GABRB1: variants seen among roughly 807,000 people sequenced by gnomAD.
GABRB1 encodes the protein gamma-aminobutyric acid receptor subunit beta-1.
GABRB1 carries 17 observed loss-of-function variants against 51.6 expected under a neutral mutation model. That is an observed-to-expected ratio of 0.33 (90% CI 0.23 to 0.49). The LOEUF (loss-of-function observed/expected upper bound fraction) is 0.49, where lower values mean the gene tolerates loss of function less well. Among genes scored for constraint, GABRB1 ranks in the 20% least tolerant of loss-of-function variants. GABRB1 has a pLI of 0.99. For synonymous variants in GABRB1, 247 were observed against 218.9 expected (o/e 1.13, Z -1.14); for missense variants, 410 against 600.6 (o/e 0.68, Z 3.32).
At chr4:47,207,625 T>G (rs1376527677) in intron 4 of GABRB1, among the ~76,000 whole-genome samples, 1 of 152,072 alleles carries the variant, frequency 6.6e-6, no homozygotes, top group East Asian at 1.9e-4. Flanking sequence ...ATTATGCTGA[T>G]GTTTTGATCT....
chr4:47,155,209 T>C (rs1577957833), intron 3 of GABRB1, among the ~76,000 whole-genome samples: 1 of 152,058 alleles, frequency 6.6e-6, no homozygotes, highest in South Asian at 2.1e-4. Context: ...GCGGAAATCA[T>C]AGGCAGTGAT....
chr4:47,241,224 T>A (rs1238062080), intron 4 of GABRB1, among the ~76,000 whole-genome samples: 1 of 152,168 alleles, frequency 6.6e-6, no homozygotes, highest in Non-Finnish European at 1.5e-5. Context: ...AGAGCTTTCA[T>A]GCTGAAAATT....
Position 47,297,412 on chromosome 4 carries a change from A to AG in GABRB1, c.462-22715_462-22714insG, listed in dbSNP as rs1724049000. On this transcript the variant is annotated intron_variant, in intron 4 of 8. Transcript: ENST00000295454. ...GAAGAATCAAATAGACACAAAAAAA[A>AG]TGATAAAGGGGATATCACCACCAAT... is the stretch of plus-strand genomic sequence containing the variant. Among the ~76,000 whole-genome samples, 2 of 150,434 alleles carry AG rather than the reference A, an allele frequency of 1.3e-5. 1 individual carries two copies. Among genetic ancestry groups the AG allele is most frequent in the South Asian group, 4.2e-4 (2 of 4,718 alleles).
At chr4:47,378,246 C>T (rs1727460022) in intron 5 of GABRB1, among the ~76,000 whole-genome samples, 1 of 152,214 alleles carries the variant, frequency 6.6e-6, no homozygotes, top group Non-Finnish European at 1.5e-5. Flanking sequence ...CGCCAGTGGG[C>T]CAGCACTGAT....
intron 5 of GABRB1, among the ~76,000 whole-genome samples, chr4:47,345,895 A>G (rs1409775605): frequency 6.6e-6 from 1 of 152,120 alleles, no homozygotes; most frequent in Non-Finnish European, 1.5e-5. Flanking sequence ...CACACCCACA[A>G]TGCATAATAA....
intron 4 of GABRB1, among the ~76,000 whole-genome samples, chr4:47,241,509 C>A (rs1721521275): frequency 6.6e-6 from 1 of 152,154 alleles, no homozygotes; most frequent in South Asian, 2.1e-4. Flanking sequence ...CTTCAGGCGA[C>A]ATCATTTTTT....
At chr4:47,105,003 T>C (rs1276647512) in intron 3 of GABRB1, among the ~76,000 whole-genome samples, 1 of 152,080 alleles carries the variant, frequency 6.6e-6, no homozygotes, top group African/African-American at 2.4e-5. Flanking sequence ...ATCTCATGTT[T>C]TTTGGTTGAA....
chr4:47,327,089 T>C (rs1194326889), intron 5 of GABRB1, among the ~76,000 whole-genome samples: 1 of 152,224 alleles, frequency 6.6e-6, no homozygotes, highest in East Asian at 1.9e-4. Context: ...TTTTTTCAGA[T>C]GAGATTTAAG....
At chr4:47,104,806 C>T (rs1655425672) in intron 3 of GABRB1, among the ~76,000 whole-genome samples, 1 of 152,020 alleles carries the variant, frequency 6.6e-6, no homozygotes, top group African/African-American at 2.4e-5. Context: ...TTCCATCTCT[C>T]TGCTGAAATG....
At chr4:47,217,951 T>C (rs987118730) in intron 4 of GABRB1, among the ~76,000 whole-genome samples, 2 of 151,838 alleles carry the variant, frequency 1.3e-5, no homozygotes, top group Non-Finnish European at 2.9e-5. Flanking sequence ...TAACTGTATG[T>C]TTCTACCCAT....
At chr4:47,112,464 A>T (rs1388782863) in intron 3 of GABRB1, among the ~76,000 whole-genome samples, 1 of 152,218 alleles carries the variant, frequency 6.6e-6, no homozygotes. Context: ...CTTTGGAGGG[A>T]ATAAGGCAGT....
intron 7 of GABRB1, among the ~76,000 whole-genome samples, chr4:47,404,603 A>G (rs1421684127): frequency 3.3e-5 from 5 of 152,042 alleles, no homozygotes; most frequent in Admixed American, 2.0e-4. Context: ...TGATCAGCAT[A>G]CCCGTTCACA....
upstream of GABRB1, chr4:47,031,509 G>T (rs1257188894): frequency 5.9e-6 from 4 of 673,598 alleles, no homozygotes; most frequent in South Asian, 7.2e-5. Context: ...TAGGAATATT[G>T]TTTGCAAGGC....
chr4:47,175,037 C>T (rs755130693), intron 4 of GABRB1, among the ~76,000 whole-genome samples: 40 of 144,166 alleles, frequency 2.8e-4, no homozygotes, highest in Non-Finnish European at 4.9e-4. Flanking sequence ...TCCTTCCTCC[C>T]TCCCTCCTTC....
intron 3 of GABRB1, among the ~76,000 whole-genome samples, chr4:47,104,937 AT>A (rs374509175): frequency 1.3e-5 from 2 of 151,808 alleles, no homozygotes; most frequent in Non-Finnish European, 2.9e-5. Context: ...GGTCCTATAC[AT>A]TTTTTTGTCT....
chr4:47,333,843 A>G (rs1012579086), intron 5 of GABRB1, among the ~76,000 whole-genome samples: 6 of 152,216 alleles, frequency 3.9e-5, no homozygotes, highest in African/African-American at 1.2e-4. Context: ...ACTGTGCCCT[A>G]TAGGTACTGG....
chr4:47,302,214 T>A (rs948657785), intron 4 of GABRB1, among the ~76,000 whole-genome samples: 2 of 152,114 alleles, frequency 1.3e-5, no homozygotes, highest in Non-Finnish European at 2.9e-5. Flanking sequence ...AGATAATATA[T>A]GTAAAGTGCT....
chr4:47,107,542 ATAT>A (rs1481584578), intron 3 of GABRB1, among the ~76,000 whole-genome samples: 1 of 152,068 alleles, frequency 6.6e-6, no homozygotes, highest in Non-Finnish European at 1.5e-5. Context: ...GCTACTTTCT[ATAT>A]GTGTGACACT....
At chr4:47,207,549 T>C (rs185817778) in intron 4 of GABRB1, among the ~76,000 whole-genome samples, 2 of 152,066 alleles carry the variant, frequency 1.3e-5, no homozygotes, top group African/African-American at 4.8e-5. Flanking sequence ...TGTATGCAAC[T>C]AACTAGATAT....
Sources: gnomAD v4.1 joint callset for allele counts (sites outside exome capture counted in the v4.1 genomes callset) on GRCh38, gnomAD v4.1.1 for gene constraint, MANE v1.5 for transcripts, NCBI Gene and HGNC (gene_info 2026-07-23, HGNC 2026-07-21) for gene names.